Variants in CSRNP3 observed in about 807,000 individuals in gnomAD.
CSRNP3 encodes the protein cysteine/serine-rich nuclear protein 3.
In CSRNP3, 12 loss-of-function variants were observed where a neutral mutation model predicts 48.0. That is an observed-to-expected ratio of 0.25 (90% CI 0.16 to 0.41). The LOEUF is 0.41. Among genes scored for constraint, CSRNP3 ranks in the 10% least tolerant of loss-of-function variants. The probability of loss-of-function intolerance (pLI) is 1.00; values close to 1 mark genes in which losing one functional copy is unlikely to be tolerated. For missense variants in CSRNP3, 580 were observed against 724.4 expected (o/e 0.80, Z 2.29); for synonymous variants, 263 against 269.7 (o/e 0.98, Z 0.24).
chr2:165,523,057 AC>A (rs1260052827), intron 3 of CSRNP3, among the ~76,000 whole-genome samples: 1 of 152,160 alleles, frequency 6.6e-6, no homozygotes, highest in Non-Finnish European at 1.5e-5. Flanking sequence ...TGCTATTTTA[AC>A]AAGAAAATTG....
intron 3 of CSRNP3, among the ~76,000 whole-genome samples, chr2:165,555,329 T>C (rs1685148051): frequency 6.6e-6 from 1 of 152,196 alleles, no homozygotes; most frequent in Admixed American, 6.5e-5. Context: ...ACCTGTAATA[T>C]AGATAGCATG....
chr2:165,544,922 C>A (rs749238960), intron 3 of CSRNP3, among the ~76,000 whole-genome samples: 1 of 151,448 alleles, frequency 6.6e-6, no homozygotes, highest in Non-Finnish European at 1.5e-5. Flanking sequence ...TACAATTTAA[C>A]GAAAAGGTTA....
chr2:165,596,999 G>A (rs1419028754), intron 4 of CSRNP3, among the ~76,000 whole-genome samples: 4 of 152,158 alleles, frequency 2.6e-5, no homozygotes, highest in Non-Finnish European at 5.9e-5. Context: ...GAGAGGCTAA[G>A]CGTCTGGCAA....
intron 2 of CSRNP3, among the ~76,000 whole-genome samples, chr2:165,498,085 T>C (rs182922399): frequency 1.3e-5 from 2 of 152,204 alleles, no homozygotes; most frequent in Admixed American, 6.6e-5. Flanking sequence ...TACTTCCCCT[T>C]TCTGTAAGTA....
At chr2:165,537,048 C>T (rs902287402) in intron 3 of CSRNP3, among the ~76,000 whole-genome samples, 8 of 151,700 alleles carry the variant, frequency 5.3e-5, no homozygotes, top group African/African-American at 1.7e-4. Flanking sequence ...CCCTTTCCTC[C>T]CTTTATCTCT....
rs1684966476 is a variant in CSRNP3 at position 165,542,168 on chromosome 2, C to T, written c.-24+24207C>T. On this transcript the variant is annotated intron_variant, in intron 3 of 6. Transcript: ENST00000651982. ...ATCCTAATATTCCTAGCATTTCCTT[C>T]TCTGGGAAACTAGTTTGCCTAATGC... Among the ~76,000 whole-genome samples the T allele has an allele frequency of 2.0e-5, 3 of 152,138 alleles. No individual in the cohort carries two copies. The South Asian group carries it at 6.2e-4, about 31-fold the overall frequency.
intron 1 of CSRNP3, among the ~76,000 whole-genome samples, chr2:165,481,889 T>C (rs1228795363): frequency 6.6e-6 from 1 of 152,046 alleles, no homozygotes; most frequent in Non-Finnish European, 1.5e-5. Flanking sequence ...TGAATACATA[T>C]GGACACAAAG....
intron 4 of CSRNP3, among the ~76,000 whole-genome samples, chr2:165,652,365 G>T (rs757148807): frequency 6.6e-6 from 1 of 151,774 alleles, no homozygotes; most frequent in Non-Finnish European, 1.5e-5. Flanking sequence ...AAAGTGTGGT[G>T]GTGTGCACCT....
chr2:165,614,215 T>A (rs1686191518), intron 4 of CSRNP3, among the ~76,000 whole-genome samples: 1 of 152,144 alleles, frequency 6.6e-6, no homozygotes, highest in Non-Finnish European at 1.5e-5. Flanking sequence ...TTGATTTATC[T>A]CTTTCTTTTT....
intron 3 of CSRNP3, among the ~76,000 whole-genome samples, chr2:165,561,042 A>G (rs896514895): frequency 1.2e-4 from 19 of 152,226 alleles, no homozygotes; most frequent in Non-Finnish European, 2.8e-4. Context: ...TGTCTTACAT[A>G]CAAAAGGAAG....
intron 2 of CSRNP3, among the ~76,000 whole-genome samples, chr2:165,515,702 A>G (rs776314916): frequency 6.6e-6 from 1 of 151,968 alleles, no homozygotes; most frequent in Non-Finnish European, 1.5e-5. Flanking sequence ...TAACGAGAAA[A>G]GTTGACCTTA....
chr2:165,476,823 G>A (rs1465305558), intron 1 of CSRNP3, among the ~76,000 whole-genome samples: 2 of 152,214 alleles, frequency 1.3e-5, no homozygotes, highest in African/African-American at 4.8e-5. Flanking sequence ...GGTGTACATA[G>A]AGGACTTTTC....
In CSRNP3 at chr2:165,485,482, A is replaced by T. The variant is rs545849655; in HGVS notation, c.-282-9277A>T. ...TGCAATATTTCTAAAACTGTCAAAC[A>T]TCACTTCAAGACGAGCATCTCTCTA... On this transcript the variant is annotated intron_variant, in intron 1 of 6. Transcript: ENST00000651982. Among the ~76,000 whole-genome samples, 214 of 152,328 alleles carry T rather than the reference A, an allele frequency of 1.4e-3. 5 individuals carry two copies. Among genetic ancestry groups the T allele is most frequent in the South Asian group, 6.2e-3 (30 of 4,822 alleles).
At chr2:165,646,643 C>G (rs1307325430) in intron 4 of CSRNP3, among the ~76,000 whole-genome samples, 1 of 152,094 alleles carries the variant, frequency 6.6e-6, no homozygotes, top group Non-Finnish European at 1.5e-5. Flanking sequence ...AAATATTTCT[C>G]CGATGGTGGT....
rs894809840 is a variant in CSRNP3 at position 165,559,913 on chromosome 2, T to C, written c.-23-35130T>C. On this transcript the variant is annotated intron_variant, in intron 3 of 6. Transcript: ENST00000651982. ...CTCCTGGGTTCATGCCATTCTCCTG[T>C]CTCAGCCTCCTGAGTAGCTGGGACT... 7.3e-5 allele frequency among the ~76,000 whole-genome samples: 11 copies of C among 150,760 alleles called. No homozygotes were observed. In the East Asian group the frequency reaches 1.4e-3, roughly 19 times the overall value.
At chr2:165,583,255 C>G (rs1685575745) in intron 3 of CSRNP3, among the ~76,000 whole-genome samples, 1 of 152,024 alleles carries the variant, frequency 6.6e-6, no homozygotes, top group African/African-American at 2.4e-5. Flanking sequence ...AAATGCATAA[C>G]TATTCTCAAA....
intron 2 of CSRNP3, among the ~76,000 whole-genome samples, chr2:165,511,595 GA>G (rs1041887000): frequency 1.3e-5 from 2 of 152,036 alleles, no homozygotes; most frequent in Non-Finnish European, 2.9e-5. Context: ...TACAGTGATA[GA>G]AAAAAGGGAG....
intron 2 of CSRNP3, among the ~76,000 whole-genome samples, chr2:165,504,698 C>A (rs1684400871): frequency 6.6e-6 from 1 of 151,948 alleles, no homozygotes; most frequent in Non-Finnish European, 1.5e-5. Flanking sequence ...ATCGTTTAAC[C>A]AACTATGCTG....
At position 165,686,568 on chromosome 2, in the gene CSRNP3, A is replaced by G. The variant is rs1357158542; in HGVS notation, c.*6815A>G. The G allele has an allele frequency of 1.3e-5, 2 of 152,136 alleles. No homozygotes were observed. The highest frequency in any genetic ancestry group is 3.8e-4 in the East Asian group (2 of 5,196). The allele number at this position is 152,136 out of a possible 1,614,324, so 9.4% of individuals were successfully genotyped here. A position where few individuals can be genotyped will look rare whatever the true frequency, so the allele number is the denominator to read the frequency against. ...TAAAGTGGAAAAACCTAAGTATCTA[A>G]CCTAGGAACTTGTTGCCTGGTGGTG... On this transcript the variant is annotated 3_prime_UTR_variant, in exon 7 of 7. Transcript: ENST00000651982.
Sources: allele counts gnomAD v4.1 joint callset (sites outside exome capture counted in the v4.1 genomes callset), GRCh38; gene constraint gnomAD v4.1.1; transcripts MANE v1.5; gene names NCBI Gene and HGNC (gene_info 2026-07-23, HGNC 2026-07-21).